Variants in THSD4 observed in about 807,000 individuals in gnomAD.
THSD4 encodes the protein thrombospondin type-1 domain-containing protein 4.
A neutral mutation model predicts 119.0 loss-of-function variants in THSD4; 69 were observed. That is an observed-to-expected ratio of 0.58 (90% CI 0.48 to 0.71). The LOEUF is 0.71. THSD4 is among the 30% of genes least tolerant of loss of function. The probability of loss-of-function intolerance (pLI) is 0.00; values close to 1 mark genes in which losing one functional copy is unlikely to be tolerated. For synonymous variants in THSD4, 524 were observed against 540.4 expected (o/e 0.97, Z 0.42); for missense variants, 1,393 against 1,391.1 (o/e 1.00, Z -0.02).
At chr15:71,748,651 A>C (rs1330230425) in intron 14 of THSD4, 57 bp downstream of exon 14, 1 of 1,589,134 alleles carries the variant, frequency 6.3e-7, no homozygotes, top group Admixed American at 1.7e-5. Flanking sequence ...TGCCTCCAAA[A>C]CCACACAAAG....
In THSD4 at chr15:71,765,204, G is replaced by C; in HGVS notation, c.2769+5G>C. On this transcript the variant is annotated splice_donor_5th_base_variant and intron_variant, in intron 16 of 17. Coordinates refer to ENST00000261862, the MANE Select transcript of THSD4 (RefSeq NM_024817.3). The stretch of plus-strand genomic sequence containing the variant: ...TTTAGCACCGAATGGAGCATGGTAA[G>C]TCATGGTGCTCTTGATGGAGGTTGC... 1.2e-6 allele frequency: 2 copies of C among 1,613,208 alleles called. No homozygotes were observed. The highest frequency in any genetic ancestry group is 1.7e-6 in the Non-Finnish European group (2 of 1,179,454).
intron 6 of THSD4, among the ~76,000 whole-genome samples, chr15:71,324,600 G>A (rs1360775558): frequency 6.6e-6 from 1 of 152,114 alleles, no homozygotes. Flanking sequence ...TGGAATAATG[G>A]CCTCCAGCTC....
intron 7 of THSD4, among the ~76,000 whole-genome samples, chr15:71,542,643 C>T (rs2048774664): frequency 6.6e-6 from 1 of 152,066 alleles, no homozygotes; most frequent in East Asian, 1.9e-4. Context: ...TTTGGGAGGC[C>T]GAGGTAGGCG....
intron 7 of THSD4, among the ~76,000 whole-genome samples, chr15:71,552,650 TTTG>T (rs994125306): frequency 3.9e-5 from 6 of 152,150 alleles, no homozygotes; most frequent in South Asian, 2.1e-4. Flanking sequence ...TTTAAATGTT[TTTG>T]TTGTTGTTGT....
chr15:71,535,378 A>G (rs1488602748), intron 7 of THSD4, among the ~76,000 whole-genome samples: 4 of 152,202 alleles, frequency 2.6e-5, no homozygotes, highest in African/African-American at 7.2e-5. Context: ...ATATCTGTTC[A>G]TTAGGTGATG....
chr15:71,518,488 A>C (rs2048392785), intron 7 of THSD4, among the ~76,000 whole-genome samples: 1 of 152,188 alleles, frequency 6.6e-6, no homozygotes, highest in African/African-American at 2.4e-5. Flanking sequence ...GAAAAAGAGA[A>C]AGAGATCCAA....
At chr15:71,637,467 A>G (rs1350199299) in intron 7 of THSD4, among the ~76,000 whole-genome samples, 1 of 152,172 alleles carries the variant, frequency 6.6e-6, no homozygotes, top group Non-Finnish European at 1.5e-5. Flanking sequence ...AGAATAGCTC[A>G]AGAGATGAGG....
intron 7 of THSD4, among the ~76,000 whole-genome samples, chr15:71,430,480 G>A (rs4776552): frequency 0.55 from 83,291 of 152,054 alleles, 23,070 homozygotes; most frequent in Middle Eastern, 0.64. Flanking sequence ...TCTCAAGGCT[G>A]TAAGCTAAAT....
intron 7 of THSD4, among the ~76,000 whole-genome samples, chr15:71,640,410 A>G (rs1179979432): frequency 6.6e-6 from 1 of 152,126 alleles, no homozygotes; most frequent in Non-Finnish European, 1.5e-5. Context: ...AAATAGTGAA[A>G]TTAGAGGGCC....
At chr15:71,240,723 G>A (rs1006729355) in intron 4 of THSD4, among the ~76,000 whole-genome samples, 8 of 151,708 alleles carry the variant, frequency 5.3e-5, no homozygotes, top group African/African-American at 1.9e-4. Context: ...GCCTTTGCAT[G>A]ATGTCATTCA....
chr15:71,469,986 T>C (rs1171490973), intron 7 of THSD4, among the ~76,000 whole-genome samples: 1 of 152,144 alleles, frequency 6.6e-6, no homozygotes, highest in Admixed American at 6.5e-5. Context: ...GATTTTAACA[T>C]ATAAATAGGA....
intron 17 of THSD4, among the ~76,000 whole-genome samples, chr15:71,776,286 A>G (rs2053911175): frequency 6.6e-6 from 1 of 152,256 alleles, no homozygotes; most frequent in African/African-American, 2.4e-5. Context: ...GTGATCAGAA[A>G]AGCCACAGGC....
At chr15:71,281,661 A>G (rs548351873) in intron 6 of THSD4, among the ~76,000 whole-genome samples, 99 of 152,220 alleles carry the variant, frequency 6.5e-4, no homozygotes, top group Admixed American at 2.0e-4. Flanking sequence ...TTCAGTGCGT[A>G]TGACTGTTTC....
At chr15:71,655,399 T>G (rs1385695121) in intron 7 of THSD4, among the ~76,000 whole-genome samples, 1 of 152,198 alleles carries the variant, frequency 6.6e-6, no homozygotes, top group Non-Finnish European at 1.5e-5. Context: ...GAAGAAAATA[T>G]TTCTGACTAA....
At chr15:71,395,914 G>GAGACACACACAC (rs535919434) in intron 6 of THSD4, among the ~76,000 whole-genome samples, 154 of 133,372 alleles carry the variant, frequency 1.2e-3, no homozygotes, top group African/African-American at 3.4e-3. Context: ...TTTGAAGAGA[G>GAGACACACACAC]ACACACACAC....
At chr15:71,365,797 T>C (rs138582769) in intron 6 of THSD4, among the ~76,000 whole-genome samples, 4,609 of 152,236 alleles carry the variant, frequency 0.03, 229 homozygotes, top group Admixed American at 0.14. Context: ...TCACTGTTCT[T>C]GGTTGAAAAC....
chr15:71,136,971 T>C (rs2040557664), intron 1 of THSD4, among the ~76,000 whole-genome samples: 3 of 152,280 alleles, frequency 2.0e-5, no homozygotes, highest in African/African-American at 7.2e-5. Context: ...TCCTGAGCCT[T>C]GGGCCTGCTG....
intron 10 of THSD4, among the ~76,000 whole-genome samples, chr15:71,736,437 C>T (rs140813996): frequency 9.0e-4 from 137 of 152,100 alleles, no homozygotes; most frequent in African/African-American, 3.2e-3. Flanking sequence ...GTCTTTGTCT[C>T]TCTCTTGCTC....
intron 6 of THSD4, among the ~76,000 whole-genome samples, chr15:71,375,576 C>T (rs1037296164): frequency 6.6e-5 from 10 of 152,116 alleles, no homozygotes; most frequent in Admixed American, 4.6e-4. Flanking sequence ...TGACAGATTC[C>T]ACAAGCAGTA....
Sources: gnomAD v4.1 joint callset for allele counts (sites outside exome capture counted in the v4.1 genomes callset) on GRCh38, gnomAD v4.1.1 for gene constraint, MANE v1.5 for transcripts, NCBI Gene and HGNC (gene_info 2026-07-23, HGNC 2026-07-21) for gene names.